Variants in CPE observed in about 807,000 individuals in gnomAD.
CPE encodes carbocypeptidase E.
In CPE, 17 loss-of-function variants were observed where a neutral mutation model predicts 53.5. The ratio of observed to expected loss-of-function variants is 0.32; its 90% CI spans 0.22 to 0.48. The LOEUF is 0.48. Among genes scored for constraint, CPE ranks in the 20% least tolerant of loss-of-function variants. CPE has a pLI of 0.99. For synonymous variants in CPE, 226 were observed against 228.8 expected, an observed-to-expected ratio of 0.99 and a Z score of 0.11; for missense variants, 524 against 614.7, an observed-to-expected ratio of 0.85 and a Z score of 1.56.
intron 3 of CPE, among the ~76,000 whole-genome samples, chr4:165,469,598 C>T (rs762477707): frequency 2.0e-5 from 3 of 152,208 alleles, no homozygotes; most frequent in Non-Finnish European, 4.4e-5. Context: ...ATCCTCTACT[C>T]TTCAAGACAG....
chr4:165,428,533 G>A (rs1370188145), intron 1 of CPE, among the ~76,000 whole-genome samples: 1 of 152,190 alleles, frequency 6.6e-6, no homozygotes, highest in African/African-American at 2.4e-5. Flanking sequence ...GTTTCCTGTG[G>A]ATTCTGTAAC....
rs74703009 is a variant in CPE at position 165,496,627 on chromosome 4, G to A, written c.1333-885G>A. On this transcript the variant is annotated intron_variant, in intron 8 of 8. Transcript: ENST00000402744. ...GTTCCATCTGGGATGGGGCCTGAGGGGATTGGGGTTGGGGGCTGCCTACTT... is the reference window on the plus strand; with the variant it reads ...GTTCCATCTGGGATGGGGCCTGAGGAGATTGGGGTTGGGGGCTGCCTACTT... Among the ~76,000 whole-genome samples, 31 of 152,290 alleles carry A rather than the reference G, an allele frequency of 2.0e-4. 1 individual carries two copies. The East Asian group carries it at 6.0e-3, about 29-fold the overall frequency.
At chr4:165,451,479 A>ATTATTTATTTATTTAT (rs200432846) in intron 1 of CPE, among the ~76,000 whole-genome samples, 1 of 150,344 alleles carries the variant, frequency 6.7e-6, no homozygotes, top group African/African-American at 2.5e-5. Flanking sequence ...AGGTTTTATT[A>ATTATTTATTTATTTAT]TTATTTATTT....
chr4:165,451,030 A>C (rs919576671), intron 1 of CPE, among the ~76,000 whole-genome samples: 133 of 152,208 alleles, frequency 8.7e-4, no homozygotes, highest in African/African-American at 3.1e-3. Flanking sequence ...AGCATGGTCC[A>C]CTGACAAGCC....
intron 3 of CPE, among the ~76,000 whole-genome samples, chr4:165,477,715 T>C (rs1732327999): frequency 1.3e-5 from 2 of 150,050 alleles, no homozygotes; most frequent in African/African-American, 5.0e-5. Context: ...TCCTCCTCCT[T>C]TGTATAGCTG....
chr4:165,443,837 C>G (rs1408244411), intron 1 of CPE, among the ~76,000 whole-genome samples: 1 of 152,070 alleles, frequency 6.6e-6, no homozygotes, highest in African/African-American at 2.4e-5. Context: ...GGGGAAGGGC[C>G]TTTGGGAGGT....
intron 1 of CPE, chr4:165,406,135 T>C: frequency 1.3e-6 from 1 of 749,396 alleles, no homozygotes; most frequent in South Asian, 1.4e-5. Flanking sequence ...CCGTGAACTC[T>C]GAATGCAGCT....
intron 1 of CPE, chr4:165,405,612 C>G: frequency 1.3e-6 from 1 of 788,896 alleles, no homozygotes; most frequent in Non-Finnish European, 2.3e-6. Context: ...ATCTTCTTAT[C>G]AGCTAGTCCT....
intron 1 of CPE, among the ~76,000 whole-genome samples, chr4:165,457,545 A>G (rs1173018519): frequency 6.6e-6 from 1 of 152,226 alleles, no homozygotes; most frequent in African/African-American, 2.4e-5. Context: ...TTTAGATGTC[A>G]TATGTAAGAC....
At chr4:165,411,866 T>C (rs570639810) in intron 1 of CPE, among the ~76,000 whole-genome samples, 1 of 152,292 alleles carries the variant, frequency 6.6e-6, no homozygotes, top group East Asian at 1.9e-4. Context: ...GGCGAAAATC[T>C]TTTACTGGAA....
intron 1 of CPE, among the ~76,000 whole-genome samples, chr4:165,393,012 A>G (rs72701672): frequency 0.032 from 4,789 of 151,912 alleles, 128 homozygotes; most frequent in South Asian, 0.082. Context: ...CTCCCTAGGT[A>G]GCTATTATTG....
At chr4:165,407,054 T>G (rs1217557157) in intron 1 of CPE, among the ~76,000 whole-genome samples, 1 of 152,232 alleles carries the variant, frequency 6.6e-6, no homozygotes, top group African/African-American at 2.4e-5. Flanking sequence ...ATGGCACTTA[T>G]GTGCAAGTTT....
At position 165,379,615 on chromosome 4, in the gene CPE, A is replaced by C; in HGVS notation, c.307+87A>C. The C allele has an allele frequency of 7.3e-6, 2 of 272,840 alleles. No individual in the cohort carries two copies. Among genetic ancestry groups the C allele is most frequent in the Non-Finnish European group, 7.3e-6 (1 of 136,542 alleles). 16.9% of individuals were successfully genotyped at this position (272,840 alleles called of 1,614,324 possible). On this transcript the variant is annotated intron_variant, in intron 1 of 8. Coordinates refer to ENST00000402744, the MANE Select transcript of CPE (RefSeq NM_001873.4). This position sits in a 1 kb window ranked among gnomAD's most constrained non-coding sequence, Gnocchi z 6.0. Reference sequence around the variant, plus strand: ...ACTGGTGGCGGTGGGGGAAGGAGGGAGGGATGGGCCCAGGGGTGCCTCTTG... The same window carrying C: ...ACTGGTGGCGGTGGGGGAAGGAGGGCGGGATGGGCCCAGGGGTGCCTCTTG...
intron 3 of CPE, among the ~76,000 whole-genome samples, chr4:165,475,358 C>T (rs57880862): frequency 0.15 from 22,179 of 152,102 alleles, 1,972 homozygotes; most frequent in East Asian, 0.24. Flanking sequence ...CCTGGCAATG[C>T]GCCACCAGAC....
chr4:165,437,340 C>A (rs536197453), intron 1 of CPE, among the ~76,000 whole-genome samples: 4 of 152,138 alleles, frequency 2.6e-5, no homozygotes, highest in Non-Finnish European at 5.9e-5. Flanking sequence ...CTCTGGACAC[C>A]ATTTAAGTAA....
intron 1 of CPE, among the ~76,000 whole-genome samples, chr4:165,454,581 T>A (rs549796204): frequency 6.6e-6 from 1 of 152,364 alleles, no homozygotes; most frequent in African/African-American, 2.4e-5. Flanking sequence ...CTGCTAGAAC[T>A]GTTTGACATT....
chr4:165,483,001 G>T (rs866891597), intron 4 of CPE, among the ~76,000 whole-genome samples: 2,733 of 139,762 alleles, frequency 0.02, 88 homozygotes, highest in African/African-American at 0.061. Flanking sequence ...TGATTAGTTT[G>T]TTTTTTTTTT....
intron 1 of CPE, among the ~76,000 whole-genome samples, chr4:165,419,827 A>T (rs556440756): frequency 3.8e-4 from 58 of 152,344 alleles, no homozygotes; most frequent in African/African-American, 1.3e-3. Flanking sequence ...CATTTCAAAA[A>T]TCAATCAACC....
chr4:165,451,023 A>G (rs1161871677), intron 1 of CPE, among the ~76,000 whole-genome samples: 1 of 152,206 alleles, frequency 6.6e-6, no homozygotes, highest in African/African-American at 2.4e-5. Context: ...GCAGGATAGC[A>G]TGGTCCACTG....
Sources: gnomAD v4.1 joint callset for allele counts (sites outside exome capture counted in the v4.1 genomes callset) on GRCh38, gnomAD v4.1.1 for gene constraint, Gnocchi (gnomAD v3.1) non-coding constraint, MANE v1.5 for transcripts, NCBI Gene and HGNC (gene_info 2026-07-23, HGNC 2026-07-21) for gene names.